Variants in NF1 observed in about 807,000 individuals in gnomAD.
NF1 encodes neurofibromin.
A neutral mutation model predicts 325.7 loss-of-function variants in NF1; 122 were observed. The ratio of observed to expected loss-of-function variants is 0.37; its 90% CI spans 0.32 to 0.44. The LOEUF (loss-of-function observed/expected upper bound fraction) is 0.44, where lower values mean the gene tolerates loss of function less well. Among genes scored for constraint, NF1 ranks in the 20% least tolerant of loss-of-function variants. NF1 has a pLI of 1.00. For synonymous variants in NF1, 1,091 were observed against 1,186.0 expected (o/e 0.92, Z 1.65); for missense variants, 2,140 against 3,415.4 (o/e 0.63, Z 9.31).
At chr17:31,292,490 A>C (rs560847074) in intron 36 of NF1, among the ~76,000 whole-genome samples, 1 of 152,192 alleles carries the variant, frequency 6.6e-6, no homozygotes, top group South Asian at 2.1e-4. Context: ...CGCATATTCA[A>C]ATCCCAAAAT....
At chr17:31,305,337 T>C (rs991622786) in intron 36 of NF1, 12 of 1,614,124 alleles carry the variant, frequency 7.4e-6, no homozygotes, top group Non-Finnish European at 8.5e-6. Context: ...GTGCTTCTGG[T>C]TTTTCAGAAG....
chr17:31,163,047 T>A, intron 3 of NF1, 139 bp from the exon 4 acceptor site: 2 of 739,918 alleles, frequency 2.7e-6, no homozygotes, highest in Non-Finnish European at 4.5e-6. Context: ...GATGAAACGT[T>A]AACAGTTGTT....
intron 30 of NF1, chr17:31,251,344 G>C (rs897366657): frequency 2.4e-5 from 5 of 205,396 alleles, no homozygotes; most frequent in Non-Finnish European, 4.0e-5. Context: ...CTGGACTTTA[G>C]CTCCTTTTTT....
intron 1 of NF1, among the ~76,000 whole-genome samples, chr17:31,154,801 G>A (rs370927681): frequency 3.5e-5 from 5 of 141,486 alleles, no homozygotes; most frequent in African/African-American, 8.0e-5. Context: ...GTGCAGTGGC[G>A]TAATCTCGGC....
At position 31,315,493 on chromosome 17, in the gene NF1, G is replaced by A. The variant is rs144872859; in HGVS notation, c.4836-10327G>A. Among the ~76,000 whole-genome samples the A allele has an allele frequency of 2.8e-3, 422 of 152,212 alleles. 5 individuals are homozygous for A. Among genetic ancestry groups the A allele is most frequent in the South Asian group, 3.9e-3 (19 of 4,828 alleles). ...TGTGATTATTTCACGTTGCGTGACT[G>A]TATCAAAACATCTCATTACCCTTTA... is the stretch of plus-strand genomic sequence containing the variant. On this transcript the variant is annotated intron_variant, in intron 36 of 57. Transcript: ENST00000358273.
intron 1 of NF1, among the ~76,000 whole-genome samples, chr17:31,120,547 G>A (rs1914334344): frequency 6.6e-6 from 1 of 152,106 alleles, no homozygotes; most frequent in African/African-American, 2.4e-5. Flanking sequence ...CATGTCATCT[G>A]CAGACAGAGA....
At chr17:31,357,711 A>G in intron 54 of NF1, 1 of 325,962 alleles carries the variant, frequency 3.1e-6, no homozygotes, top group Admixed American at 4.7e-5. Flanking sequence ...TTTTGTATTT[A>G]TCCACAGCTG....
At chr17:31,187,661 A>G (rs548670863) in intron 8 of NF1, among the ~76,000 whole-genome samples, 1 of 152,256 alleles carries the variant, frequency 6.6e-6, no homozygotes, top group African/African-American at 2.4e-5. Context: ...AGTGTCCAAT[A>G]TATGGTACTG....
At chr17:31,334,270 C>T (rs1428837123) in intron 39 of NF1, among the ~76,000 whole-genome samples, 2 of 151,216 alleles carry the variant, frequency 1.3e-5, no homozygotes, top group African/African-American at 4.9e-5. Flanking sequence ...GCACTCCAGC[C>T]TGGGCGACAG....
chr17:31,374,276 C>T lies in NF1; in HGVS notation c.*121C>T. The T allele has an allele frequency of 7.4e-7, 1 of 1,347,312 alleles. No individual in the cohort carries two copies. Among genetic ancestry groups the T allele is most frequent in the Non-Finnish European group, 1.1e-6 (1 of 950,324 alleles). The allele number at this position is 1,347,312 out of a possible 1,614,324, so 83.5% of individuals were successfully genotyped here. On this transcript the variant is annotated 3_prime_UTR_variant, in exon 58 of 58. Coordinates refer to ENST00000358273, the MANE Select transcript of NF1 (RefSeq NM_001042492.3). ...TGCACTTCCTGTTTTATAATGAACC[C>T]ATCCGGTTTGCCATGTTGCCAGATG...
intron 1 of NF1, chr17:31,133,082 C>T (rs1230947095): frequency 6.6e-6 from 1 of 152,218 alleles, no homozygotes; most frequent in Admixed American, 6.5e-5. Context: ...TGTAACCAAT[C>T]TACAGAACTC....
intron 1 of NF1, among the ~76,000 whole-genome samples, chr17:31,122,179 A>C (rs920575594): frequency 6.6e-6 from 1 of 152,196 alleles, no homozygotes; most frequent in Non-Finnish European, 1.5e-5. Flanking sequence ...TTGTTATAAT[A>C]GGGATGATCT....
At position 31,318,538 on chromosome 17, in the gene NF1, A is replaced by G. The variant is rs1343967017; in HGVS notation, c.4836-7282A>G. 1.9e-6 allele frequency: 3 copies of G among 1,614,028 alleles called. No homozygotes were observed. In the African/African-American group the frequency reaches 4.0e-5, roughly 22 times the overall value. ...TCTGAGAGAAGAGACTTTGTTTGCC[A>G]AAACCACAGTTGATAGAAATAGAAA... On this transcript the variant is annotated intron_variant, in intron 36 of 57. Coordinates refer to ENST00000358273, the MANE Select transcript of NF1 (RefSeq NM_001042492.3).
intron 48 of NF1, among the ~76,000 whole-genome samples, chr17:31,348,726 T>TAAA (rs35854297): frequency 0.03 from 4,495 of 148,868 alleles, 109 homozygotes; most frequent in Middle Eastern, 0.045. Context: ...CATCTTTTCT[T>TAAA]AAAAAAAAAA....
chr17:31,324,024 A>G (rs2069280158), intron 36 of NF1, among the ~76,000 whole-genome samples: 1 of 152,166 alleles, frequency 6.6e-6, no homozygotes, highest in South Asian at 2.1e-4. Flanking sequence ...TTATTGATAC[A>G]TGATAATTTG....
chr17:31,152,727 T>G (rs1489518979), intron 1 of NF1, among the ~76,000 whole-genome samples: 3 of 151,934 alleles, frequency 2.0e-5, no homozygotes, highest in Non-Finnish European at 4.4e-5. Context: ...GTCATTTTCT[T>G]AATTTCTCTT....
chr17:31,252,897 G>C (rs2151455886), intron 30 of NF1, 41 bp from the exon 31 acceptor site: 1 of 1,522,716 alleles, frequency 6.6e-7, no homozygotes, highest in Non-Finnish European at 9.1e-7. Context: ...GCTGTATGTA[G>C]TCGGTGCTGT....
intron 2 of NF1, among the ~76,000 whole-genome samples, chr17:31,157,795 T>TAAA (rs71142027): frequency 9.0e-5 from 11 of 122,138 alleles, no homozygotes; most frequent in Non-Finnish European, 1.2e-4. Flanking sequence ...CCGTCTCTAC[T>TAAA]AAAAAAAAAA....
At chr17:31,349,508 A>T (rs565714232) in intron 49 of NF1, among the ~76,000 whole-genome samples, 1 of 152,108 alleles carries the variant, frequency 6.6e-6, no homozygotes, top group African/African-American at 2.4e-5. Context: ...GCTCTCTGTT[A>T]TCTGTCATAA....
Sources: gnomAD v4.1 joint callset for allele counts (sites outside exome capture counted in the v4.1 genomes callset) on GRCh38, gnomAD v4.1.1 for gene constraint, MANE v1.5 for transcripts, NCBI Gene and HGNC (gene_info 2026-07-23, HGNC 2026-07-21) for gene names.